Variants in L3MBTL4 observed in about 807,000 individuals in gnomAD.
L3MBTL4 encodes lethal(3)malignant brain tumor-like protein 4.
A neutral mutation model predicts 84.5 loss-of-function variants in L3MBTL4; 70 were observed. The observed-to-expected ratio is 0.83, with a 90% CI of 0.68 to 1.01. The LOEUF is 1.01. L3MBTL4 is among the 50% of genes least tolerant of loss of function. The probability of loss-of-function intolerance (pLI) is 0.00; values close to 1 mark genes in which losing one functional copy is unlikely to be tolerated. For missense variants in L3MBTL4, 715 were observed against 754.8 expected (o/e 0.95, Z 0.62); for synonymous variants, 274 against 259.8 (o/e 1.05, Z -0.52).
rs146670643 is a variant in L3MBTL4, at chr18:6,074,190, C to T, written c.1444+6691G>A. 2.4e-3 allele frequency among the ~76,000 whole-genome samples: 364 copies of T among 152,242 alleles called. 2 individuals are homozygous for T. The highest frequency in any genetic ancestry group is 8.5e-3 in the African/African-American group (351 of 41,532). ...GCTTACCGTCACTAAGTTCCCTGGC[C>T]GCACGTCTAGAATCTTGAATGGAGG... On this transcript the variant is annotated intron_variant, in intron 16 of 18. Coordinates refer to ENST00000317931, the MANE Select transcript of L3MBTL4 (RefSeq NM_001330559.2).
chr18:6,167,747 A>G (rs1305817574), intron 13 of L3MBTL4, among the ~76,000 whole-genome samples: 2 of 152,200 alleles, frequency 1.3e-5, no homozygotes, highest in Non-Finnish European at 2.9e-5. Context: ...AACTGGAAGC[A>G]TTCCCTTTGA....
intron 13 of L3MBTL4, among the ~76,000 whole-genome samples, chr18:6,141,278 T>A (rs571549687): frequency 1.5e-3 from 224 of 152,196 alleles, no homozygotes; most frequent in African/African-American, 5.2e-3. Flanking sequence ...TTTGCCAGCA[T>A]TTCCTCCTCT....
intron 1 of L3MBTL4, among the ~76,000 whole-genome samples, chr18:6,371,370 G>A (rs2054154148): frequency 6.6e-6 from 1 of 152,296 alleles, no homozygotes; most frequent in South Asian, 2.1e-4. Flanking sequence ...TGATGAGGGT[G>A]GAAGACAGCA....
At chr18:6,363,319 C>T (rs1397707453) in intron 1 of L3MBTL4, among the ~76,000 whole-genome samples, 1 of 152,144 alleles carries the variant, frequency 6.6e-6, no homozygotes, top group Non-Finnish European at 1.5e-5. Flanking sequence ...CACGCCCACA[C>T]CCGACTCCCA....
chr18:6,385,440 A>G (rs2054780078), intron 1 of L3MBTL4, among the ~76,000 whole-genome samples: 1 of 152,066 alleles, frequency 6.6e-6, no homozygotes, highest in South Asian at 2.1e-4. Context: ...AAAATTAAAC[A>G]AGCTTAACAG....
At chr18:6,108,502 A>G (rs1048482777) in intron 14 of L3MBTL4, among the ~76,000 whole-genome samples, 3 of 152,172 alleles carry the variant, frequency 2.0e-5, no homozygotes, top group Non-Finnish European at 4.4e-5. Flanking sequence ...AACTAGGTCC[A>G]ATTTGCAATA....
rs531097346 is a variant in L3MBTL4 at position 6,183,299 on chromosome 18, C to A, written c.982-11357G>T. ...GTGTAAAGACAAATGATCTCCAAAT[C>A]AGTTTACGGCTATGACTAACATAAA... On this transcript the variant is annotated intron_variant, in intron 12 of 18. Transcript: ENST00000317931. Among the ~76,000 whole-genome samples, 3 of 152,294 alleles carry A rather than the reference C, an allele frequency of 2.0e-5. No individual in the cohort carries two copies. The South Asian group carries it at 6.2e-4, about 32-fold the overall frequency.
chr18:6,264,587 C>A (rs956790560), intron 4 of L3MBTL4, among the ~76,000 whole-genome samples: 4 of 152,204 alleles, frequency 2.6e-5, no homozygotes, highest in African/African-American at 4.8e-5. Flanking sequence ...AGTTTGAGAC[C>A]CGCCTGGCCA....
chr18:6,324,910 T>C (rs1001241805), intron 1 of L3MBTL4, among the ~76,000 whole-genome samples: 3 of 152,200 alleles, frequency 2.0e-5, no homozygotes, highest in Non-Finnish European at 4.4e-5. Context: ...GAAAAGTTGC[T>C]TAACTTCATT....
At chr18:6,007,540 G>GTGAT (rs1267281512) in intron 16 of L3MBTL4, among the ~76,000 whole-genome samples, 1 of 152,138 alleles carries the variant, frequency 6.6e-6, no homozygotes, top group Non-Finnish European at 1.5e-5. Flanking sequence ...TGTATGTTGG[G>GTGAT]TGATTGGTTA....
chr18:5,976,035 CT>C (rs2052911269), intron 16 of L3MBTL4, among the ~76,000 whole-genome samples: 1 of 152,220 alleles, frequency 6.6e-6, no homozygotes, highest in Admixed American at 6.5e-5. Flanking sequence ...AGATTGTCCA[CT>C]GCTTAGTGGG....
intron 5 of L3MBTL4, among the ~76,000 whole-genome samples, chr18:6,257,645 C>CTTTTTTTTTTTTTTTTTTTTTTTTT (rs770563046): frequency 3.1e-5 from 4 of 127,488 alleles, no homozygotes; most frequent in Non-Finnish European, 5.0e-5. Context: ...TTTTCTTTTT[C>CTTTTTTTTTTTTTTTTTTTTTTTTT]TTTTTTTTTT....
intron 16 of L3MBTL4, among the ~76,000 whole-genome samples, chr18:6,066,055 C>G (rs1322347984): frequency 6.6e-6 from 1 of 152,022 alleles, no homozygotes; most frequent in African/African-American, 2.4e-5. Context: ...TAAGTTCTGT[C>G]ATTATTATCA....
intron 17 of L3MBTL4, among the ~76,000 whole-genome samples, chr18:5,967,794 G>C (rs1487080015): frequency 6.6e-6 from 1 of 152,252 alleles, no homozygotes; most frequent in African/African-American, 2.4e-5. Context: ...TTGAGTGTAA[G>C]AACAGGCCGG....
chr18:6,363,952 G>A (rs1053501038), intron 1 of L3MBTL4, among the ~76,000 whole-genome samples: 1 of 152,046 alleles, frequency 6.6e-6, no homozygotes, highest in Non-Finnish European at 1.5e-5. Context: ...AAAAAAAAGA[G>A]GCTATCACTA....
intron 4 of L3MBTL4, among the ~76,000 whole-genome samples, chr18:6,266,108 A>G (rs142933877): frequency 6.6e-6 from 1 of 152,222 alleles, no homozygotes; most frequent in Admixed American, 6.5e-5. Flanking sequence ...ATAAAAAAAC[A>G]TACATACATA....
chr18:6,273,484 A>G (rs555532475), intron 4 of L3MBTL4, among the ~76,000 whole-genome samples: 2,138 of 146,464 alleles, frequency 0.015, 103 homozygotes, highest in Non-Finnish European at 0.022. Context: ...AGGACTGAAT[A>G]TAAGGAATAC....
chr18:6,137,113 G>T (rs115530875), intron 14 of L3MBTL4, among the ~76,000 whole-genome samples: 2,575 of 152,260 alleles, frequency 0.017, 76 homozygotes, highest in African/African-American at 0.058. Context: ...CTCTGAGGAG[G>T]CAAGAATTGA....
At chr18:6,384,971 G>C (rs930533352) in intron 1 of L3MBTL4, among the ~76,000 whole-genome samples, 1 of 152,200 alleles carries the variant, frequency 6.6e-6, no homozygotes, top group Admixed American at 6.5e-5. Context: ...GGAGTGACAG[G>C]TCTTCCTTTG....
Sources: gnomAD v4.1 joint callset for allele counts (sites outside exome capture counted in the v4.1 genomes callset) on GRCh38, gnomAD v4.1.1 for gene constraint, MANE v1.5 for transcripts, NCBI Gene and HGNC (gene_info 2026-07-23, HGNC 2026-07-21) for gene names.